The following CIMIP4 variants were observed in gnomAD, a reference collection of about 807,000 sequenced individuals.
CIMIP4 encodes ciliary microtubule inner protein 4, also known as protein EAN57.
the CIMIP4 span, among the ~76,000 whole-genome samples, chr22:36,998,494 T>C: frequency 2.6e-5 from 4 of 151,994 alleles, no homozygotes; most frequent in Non-Finnish European, 5.9e-5. Context: ...AACCAGAATG[T>C]GGGGCAGAGA....
chr22:37,006,569 G>C, the CIMIP4 span, among the ~76,000 whole-genome samples: 1 of 152,210 alleles, frequency 6.6e-6, no homozygotes, highest in Non-Finnish European at 1.5e-5. Flanking sequence ...AACGACACTG[G>C]AGGAGCCTCA....
At chr22:36,997,137 T>C in the CIMIP4 span, among the ~76,000 whole-genome samples, 1 of 152,192 alleles carries the variant, frequency 6.6e-6, no homozygotes, top group Non-Finnish European at 1.5e-5. Flanking sequence ...TTTACTACTT[T>C]CTTAAATGGC....
At chr22:37,001,753 T>C in the CIMIP4 span, 10 of 1,338,492 alleles carry the variant, frequency 7.5e-6, no homozygotes, top group Admixed American at 8.5e-5. Context: ...GGTATTATTA[T>C]AGGGACTCTG....
the CIMIP4 span, among the ~76,000 whole-genome samples, chr22:36,998,497 G>A: frequency 6.6e-6 from 1 of 152,092 alleles, no homozygotes; most frequent in East Asian, 1.9e-4. Flanking sequence ...CAGAATGTGG[G>A]GCAGAGAGAA....
chr22:36,999,689 A>G, the CIMIP4 span: 44 of 985,356 alleles, frequency 4.5e-5, no homozygotes, highest in Admixed American at 4.1e-4. Flanking sequence ...GCAAGCTGAC[A>G]TAGAGGACAC....
chr22:36,999,276 G>A, the CIMIP4 span, among the ~76,000 whole-genome samples: 3 of 146,902 alleles, frequency 2.0e-5, no homozygotes, highest in African/African-American at 7.5e-5. Context: ...GGGCAATATG[G>A]TGAAACCTTG....
the CIMIP4 span, among the ~76,000 whole-genome samples, chr22:36,994,629 GAT>G: frequency 9.3e-6 from 1 of 107,158 alleles, no homozygotes; most frequent in Non-Finnish European, 1.9e-5. Context: ...CGCCTCCTGA[GAT>G]TTTTTTTTTT....
chr22:36,991,428 C>A, the CIMIP4 span: 1 of 1,588,834 alleles, frequency 6.3e-7, no homozygotes, highest in Non-Finnish European at 8.6e-7. Context: ...GCCAACACAC[C>A]CTGCTGGTGG....
chr22:36,991,736 T>G, the CIMIP4 span: 1 of 696,832 alleles, frequency 1.4e-6, no homozygotes, highest in South Asian at 1.8e-5. Context: ...TAAAGTCGTT[T>G]GGGTTCAAAC....
At chr22:36,999,446 A>G in the CIMIP4 span, among the ~76,000 whole-genome samples, 1 of 143,512 alleles carries the variant, frequency 7.0e-6, no homozygotes, top group Non-Finnish European at 1.5e-5. Flanking sequence ...CAGTGAGCCA[A>G]GATTGTGCCA....
the CIMIP4 span, among the ~76,000 whole-genome samples, chr22:37,003,050 G>A: frequency 6.6e-6 from 1 of 152,194 alleles, no homozygotes; most frequent in Admixed American, 6.5e-5. Context: ...AATATGTTTG[G>A]TGGTCTTCCC....
At chr22:37,000,965 G>A in the CIMIP4 span, among the ~76,000 whole-genome samples, 10 of 152,152 alleles carry the variant, frequency 6.6e-5, no homozygotes, top group East Asian at 1.9e-4. Flanking sequence ...CAAGCAGATC[G>A]TAGCCCCTCC....
chr22:36,997,206 A>G, the CIMIP4 span, among the ~76,000 whole-genome samples: 1 of 152,256 alleles, frequency 6.6e-6, no homozygotes, highest in Non-Finnish European at 1.5e-5. Flanking sequence ...CATACTAAAA[A>G]CAAAAATCAA....
At chr22:37,003,680 G>T in the CIMIP4 span, among the ~76,000 whole-genome samples, 1 of 152,116 alleles carries the variant, frequency 6.6e-6, no homozygotes, top group Non-Finnish European at 1.5e-5. Context: ...CTGCCCTTCT[G>T]GTACACACAA....
the CIMIP4 span, chr22:36,991,640 G>T: frequency 1.4e-6 from 2 of 1,476,422 alleles, no homozygotes; most frequent in African/African-American, 2.8e-5. Flanking sequence ...AGTGGCAGTC[G>T]GGTACTCCAT....
the CIMIP4 span, among the ~76,000 whole-genome samples, chr22:36,995,514 T>G: frequency 6.6e-6 from 1 of 151,896 alleles, no homozygotes; most frequent in Admixed American, 6.6e-5. Context: ...CCCACATGGT[T>G]CCCCCGCAGC....
the CIMIP4 span, among the ~76,000 whole-genome samples, chr22:36,992,362 CAAACA>C: frequency 1.8e-4 from 27 of 151,918 alleles, no homozygotes; most frequent in African/African-American, 6.0e-4. Context: ...AACAAACAAA[CAAACA>C]AAAAACCTAT....
chr22:36,991,131 T>A, the CIMIP4 span: 1 of 1,569,896 alleles, frequency 6.4e-7, no homozygotes, highest in Non-Finnish European at 8.8e-7. Context: ...AGCCTTTCCT[T>A]ATTGTTAGCA....
At chr22:37,006,561 C>A in the CIMIP4 span, among the ~76,000 whole-genome samples, 1 of 152,190 alleles carries the variant, frequency 6.6e-6, no homozygotes, top group African/African-American at 2.4e-5. Context: ...ACTTAAGGAA[C>A]GACACTGGAG....
Sources: gnomAD v4.1 joint callset for allele counts (sites outside exome capture counted in the v4.1 genomes callset) on GRCh38, gnomAD v4.1.1 for gene constraint, MANE v1.5 for transcripts, NCBI Gene and HGNC (gene_info 2026-07-23, HGNC 2026-07-21) for gene names.